FYB1: variants seen among roughly 807,000 people sequenced by gnomAD.
FYB1 encodes the protein FYN-binding protein 1.
FYB1 carries 41 observed loss-of-function variants against 94.1 expected under a neutral mutation model. That is an observed-to-expected ratio of 0.44 (90% CI 0.34 to 0.57). The LOEUF is 0.57. Among genes scored for constraint, FYB1 ranks in the 20% least tolerant of loss-of-function variants. FYB1 has a pLI of 0.02. For missense variants in FYB1, 1,050 were observed against 976.8 expected (o/e 1.07, Z -1.00); for synonymous variants, 367 against 353.2 (o/e 1.04, Z -0.44).
intron 2 of FYB1, among the ~76,000 whole-genome samples, chr5:39,189,474 T>G (rs1326265283): frequency 1.3e-5 from 2 of 152,156 alleles, no homozygotes; most frequent in Non-Finnish European, 1.5e-5. Flanking sequence ...TCCCACTGAC[T>G]TCTTCTGGGA....
intron 3 of FYB1, among the ~76,000 whole-genome samples, chr5:39,151,041 C>G (rs1743205743): frequency 6.6e-6 from 1 of 152,208 alleles, no homozygotes; most frequent in Non-Finnish European, 1.5e-5. Flanking sequence ...CTTGCTCTCT[C>G]TACCTGCGCT....
At chr5:39,125,543 C>A (rs2150295891) in intron 12 of FYB1, among the ~76,000 whole-genome samples, 1 of 152,054 alleles carries the variant, frequency 6.6e-6, no homozygotes, top group Non-Finnish European at 1.5e-5. Flanking sequence ...TTCTTTATTT[C>A]AAACTATTAA....
intron 1 of FYB1, among the ~76,000 whole-genome samples, chr5:39,241,517 C>T (rs539197946): frequency 1.2e-4 from 19 of 152,266 alleles, no homozygotes; most frequent in African/African-American, 4.3e-4. Context: ...TCCTACCTCT[C>T]CTTCCTCAAA....
intron 1 of FYB1, among the ~76,000 whole-genome samples, chr5:39,241,252 A>C (rs1205525868): frequency 6.6e-6 from 1 of 152,172 alleles, no homozygotes; most frequent in Non-Finnish European, 1.5e-5. Flanking sequence ...AATCTGTACA[A>C]AAAACCCCTG....
At chr5:39,181,977 CAT>C (rs1422778521) in intron 2 of FYB1, among the ~76,000 whole-genome samples, 3 of 152,116 alleles carry the variant, frequency 2.0e-5, no homozygotes, top group Admixed American at 6.6e-5. Flanking sequence ...CTGTACAGCA[CAT>C]CTCTAGAACT....
At chr5:39,271,423 C>T (rs1752660492) in intron 1 of FYB1, among the ~76,000 whole-genome samples, 1 of 152,156 alleles carries the variant, frequency 6.6e-6, no homozygotes, top group Non-Finnish European at 1.5e-5. Flanking sequence ...TAGCCTTCTA[C>T]TAAAGTAAGT....
chr5:39,169,611 G>A (rs542796588), intron 2 of FYB1: 59 of 451,524 alleles, frequency 1.3e-4, no homozygotes, highest in African/African-American at 8.3e-4. Flanking sequence ...TTGGGAGGCC[G>A]AGGCGGGTGG....
At chr5:39,235,864 C>G (rs1750937542) in intron 1 of FYB1, among the ~76,000 whole-genome samples, 1 of 152,024 alleles carries the variant, frequency 6.6e-6, no homozygotes, top group Non-Finnish European at 1.5e-5. Context: ...CAATAGGACT[C>G]TTTTGTAGTG....
At chr5:39,182,325 GTGTGTGTGTGTGTGTGTGTGTA>G (rs1561224897) in intron 2 of FYB1, among the ~76,000 whole-genome samples, 6 of 104,974 alleles carry the variant, frequency 5.7e-5, no homozygotes, top group South Asian at 5.5e-4. Context: ...GTGTGTGTGT[GTGTGTGTGTGTGTGTGTGTGTA>G]TGTGGTCAAG....
chr5:39,142,031 C>T (rs938243064), intron 3 of FYB1, among the ~76,000 whole-genome samples: 4 of 152,142 alleles, frequency 2.6e-5, no homozygotes, highest in African/African-American at 4.8e-5. Context: ...AATACCTGGG[C>T]CTTACAAATC....
chr5:39,197,295 G>C (rs1194320553), intron 2 of FYB1, among the ~76,000 whole-genome samples: 1 of 152,054 alleles, frequency 6.6e-6, no homozygotes, highest in Non-Finnish European at 1.5e-5. Context: ...CTAAAGCATA[G>C]AATCTCTCTT....
In FYB1 at chr5:39,264,425, T is replaced by C. The variant is rs1049342227; in HGVS notation, c.-28+9978A>G. Among the ~76,000 whole-genome samples the C allele has an allele frequency of 5.9e-5, 9 of 152,324 alleles. No homozygotes were observed. The East Asian group carries it at 1.7e-3, about 29-fold the overall frequency. On this transcript the variant is annotated intron_variant, in intron 1 of 1. Coordinates refer to the FYB1 transcript ENST00000510188. ...AAATAAATTTCTGTTGTTTACGAGC[T>C]ACCCAGTCTAAGGTGTTTTGCTATG... is the stretch of plus-strand genomic sequence containing the variant.
At chr5:39,172,154 A>T (rs1302448267) in intron 2 of FYB1, among the ~76,000 whole-genome samples, 1 of 152,170 alleles carries the variant, frequency 6.6e-6, no homozygotes, top group Non-Finnish European at 1.5e-5. Context: ...CTTTTTAAAA[A>T]AATAATTTTG....
chr5:39,123,586 A>G (rs1740335206), intron 13 of FYB1, among the ~76,000 whole-genome samples: 1 of 152,174 alleles, frequency 6.6e-6, no homozygotes, highest in African/African-American at 2.4e-5. Context: ...ATAACTGAAA[A>G]GAAAGTTCTA....
chr5:39,170,338 G>A, intron 2 of FYB1: 4 of 1,270,108 alleles, frequency 3.1e-6, no homozygotes, highest in Non-Finnish European at 4.3e-6. Flanking sequence ...AGACATGATG[G>A]CAGCAGAATA....
chr5:39,153,049 G>C (rs1743385941), intron 3 of FYB1, among the ~76,000 whole-genome samples: 1 of 152,180 alleles, frequency 6.6e-6, no homozygotes, highest in South Asian at 2.1e-4. Flanking sequence ...ATATGTAAAA[G>C]TCCTAGCACC....
chr5:39,255,805 G>A (rs899440258), intron 1 of FYB1, among the ~76,000 whole-genome samples: 3 of 152,168 alleles, frequency 2.0e-5, no homozygotes, highest in Non-Finnish European at 1.5e-5. Flanking sequence ...AATCCAGTGG[G>A]TCTATTAATG....
rs190322497 is a variant in FYB1 at position 39,226,090 on chromosome 5, C to T, written c.-27-23103G>A. ...ATAAGAGACATTTTCCCCTGAATGT[C>T]CAACAGGCACCATCTACACAAGACT... On this transcript the variant is annotated intron_variant, in intron 1 of 1. Coordinates refer to the FYB1 transcript ENST00000510188. 5.0e-3 allele frequency among the ~76,000 whole-genome samples: 763 copies of T among 151,918 alleles called. 6 individuals carry two copies. The highest frequency in any genetic ancestry group is 4.8e-3 in the Non-Finnish European group (323 of 67,940).
intron 5 of FYB1, 32 bp from the exon 6 acceptor site, chr5:39,138,723 T>C: frequency 1.6e-6 from 2 of 1,285,398 alleles, no homozygotes; most frequent in Non-Finnish European, 2.2e-6. Context: ...ATGATTAATT[T>C]TTATTATTTA....
Sources: allele counts gnomAD v4.1 joint callset (sites outside exome capture counted in the v4.1 genomes callset), GRCh38; gene constraint gnomAD v4.1.1; transcripts MANE v1.5; gene names NCBI Gene and HGNC (gene_info 2026-07-23, HGNC 2026-07-21).